PCDHGB7: variants seen among roughly 807,000 people sequenced by gnomAD.
PCDHGB7 encodes the protein protocadherin gamma-B7.
PCDHGB7 carries 37 observed loss-of-function variants against 61.4 expected under a neutral mutation model. That is an observed-to-expected ratio of 0.60 (90% CI 0.46 to 0.79). The LOEUF (loss-of-function observed/expected upper bound fraction) is 0.79, where lower values mean the gene tolerates loss of function less well. Among genes scored for constraint, PCDHGB7 ranks in the 30% least tolerant of loss-of-function variants. The probability of loss-of-function intolerance (pLI) is 0.00; values close to 1 mark genes in which losing one functional copy is unlikely to be tolerated. For synonymous variants in PCDHGB7, 464 were observed against 503.5 expected (o/e 0.92, Z 1.05); for missense variants, 1,166 against 1,202.5 (o/e 0.97, Z 0.45).
intron 2 of PCDHGB7, among the ~76,000 whole-genome samples, chr5:141,496,733 C>A (rs1221912777): frequency 6.6e-6 from 1 of 152,138 alleles, no homozygotes; most frequent in Non-Finnish European, 1.5e-5. Context: ...TGTATTCATT[C>A]GTTCATTTAT....
Position 141,490,509 on chromosome 5 carries a change from G to A in PCDHGB7, c.2416-4298G>A. 6.2e-7 allele frequency: 1 copy of A among 1,614,072 alleles called. No individual in the cohort carries two copies. On this transcript the variant is annotated intron_variant, in intron 1 of 3. Transcript: ENST00000398594. The surrounding 1 kb of genome is among the most constrained non-coding windows in gnomAD (Gnocchi z 5.4). ...AGGCCACATCCCACTATATCATCGA[G>A]CTGCTGGCCAGCGATGCTGGTTCAC...
intron 1 of PCDHGB7, chr5:141,479,196 C>T (rs2099489838): frequency 2.0e-5 from 3 of 152,432 alleles, no homozygotes; most frequent in African/African-American, 7.2e-5. Context: ...TCAGAAAATA[C>T]AGAAAAGTAT....
intron 2 of PCDHGB7, among the ~76,000 whole-genome samples, chr5:141,499,149 A>G (rs1215155217): frequency 6.6e-6 from 1 of 152,084 alleles, no homozygotes; most frequent in African/African-American, 2.4e-5. Context: ...TCTGATCCCA[A>G]TAGCTGTTGT....
At chr5:141,465,504 G>T (rs2099104593) in intron 1 of PCDHGB7, among the ~76,000 whole-genome samples, 2 of 152,152 alleles carry the variant, frequency 1.3e-5, no homozygotes. Context: ...GCATTGTCGT[G>T]GTCAGGAAGG....
chr5:141,477,779 A>C lies in PCDHGB7; in HGVS notation c.2416-17028A>C. ...CCTAGCCACCAACATCAGCGTGAAC[A>C]TATTTGTCACTGATCGCAATGACAA... is the stretch of plus-strand genomic sequence containing the variant. On this transcript the variant is annotated intron_variant, in intron 1 of 3. Transcript: ENST00000398594. The surrounding 1 kb of genome is among the most constrained non-coding windows in gnomAD (Gnocchi z 4.9). 1.2e-6 allele frequency: 2 copies of C among 1,614,012 alleles called. No individual in the cohort carries two copies. Among genetic ancestry groups the C allele is most frequent in the Non-Finnish European group, 1.7e-6 (2 of 1,180,020 alleles).
intron 2 of PCDHGB7, among the ~76,000 whole-genome samples, chr5:141,502,238 T>A (rs2099813398): frequency 6.6e-6 from 1 of 152,204 alleles, no homozygotes; most frequent in Non-Finnish European, 1.5e-5. Flanking sequence ...TGTGTTCTTT[T>A]ATCCTTTTTT....
In PCDHGB7 at chr5:141,476,432, G is replaced by A. The variant is rs139089802; in HGVS notation, c.2416-18375G>A. 15 of 1,614,116 alleles carry A rather than the reference G, an allele frequency of 9.3e-6. No individual in the cohort carries two copies. The East Asian group carries it at 3.3e-4, about 36-fold the overall frequency. Reference sequence around the variant, plus strand: ...GTGTGGGACACTGCCCTCTTGCACTGTAACTCTGGAGTTGGTAGTGGAGAA... The same window carrying A: ...GTGTGGGACACTGCCCTCTTGCACTATAACTCTGGAGTTGGTAGTGGAGAA... On this transcript the variant is annotated intron_variant, in intron 1 of 3. Coordinates refer to ENST00000398594, the MANE Select transcript of PCDHGB7 (RefSeq NM_018927.4). The surrounding 1 kb of genome is among the most constrained non-coding windows in gnomAD (Gnocchi z 7.6).
chr5:141,420,079 C>A lies in PCDHGB7; in HGVS notation c.2220C>A (p.Pro740=). Residue 740 remains proline, a synonymous_variant, in exon 1 of 4, where the codon CCC becomes CCA. Transcript: ENST00000398594. The part of the protein sequence containing the change: ...VLCSKSGPVG[P]PNYSEGTLPY... Reference sequence around the variant, plus strand: ...GCTCCAAGTCCGGACCTGTGGGTCCCCCCAACTACAGTGAGGGAACGTTGC... The same window carrying A: ...GCTCCAAGTCCGGACCTGTGGGTCCACCCAACTACAGTGAGGGAACGTTGC... 1 of 1,613,998 alleles carries A rather than the reference C, an allele frequency of 6.2e-7. No individual in the cohort carries two copies. The highest frequency in any genetic ancestry group is 8.5e-7 in the Non-Finnish European group (1 of 1,179,850).
chr5:141,420,337 A>G, intron 1 of PCDHGB7, 63 bp downstream of exon 1: 8 of 1,402,708 alleles, frequency 5.7e-6, no homozygotes, highest in Non-Finnish European at 7.6e-6. Flanking sequence ...ATTCCAATAT[A>G]GTGGTATTAT....
In PCDHGB7 at chr5:141,418,247, G is replaced by A; in HGVS notation, c.388G>A (p.Ala130Thr). The change falls in exon 1 of 4, where the codon GCC (alanine) becomes ACC (threonine). Residue 130 changes from alanine to threonine, a missense_variant. Coordinates refer to ENST00000398594, the MANE Select transcript of PCDHGB7 (RefSeq NM_018927.4). ...GGTGATTGAGGATGTTAATGACCAC[G>A]CCCCTCAATTCCGGAAAGATGAAAT... Reference protein sequence around the residue: ...IVVIEDVNDHAPQFRKDEINL... With the variant: ...IVVIEDVNDHTPQFRKDEINL... 1 of 1,614,032 alleles carries A rather than the reference G, an allele frequency of 6.2e-7. No individual in the cohort carries two copies. The highest frequency in any genetic ancestry group is 8.5e-7 in the Non-Finnish European group (1 of 1,179,898).
chr5:141,511,728 A>C lies in PCDHGB7; in HGVS notation c.*555A>C, dbSNP rs904031366. 2.2e-5 allele frequency: 4 copies of C among 177,940 alleles called. No homozygotes were observed. The highest frequency in any genetic ancestry group is 7.0e-5 in the African/African-American group (3 of 42,626). 11.0% of individuals were successfully genotyped at this position (177,940 alleles called of 1,614,324 possible). ...TCACCTCCTTCCAGAGCCCAAGATC[A>C]ATGCTCAAGTTTTGGAGGACATGAT... On this transcript the variant is annotated 3_prime_UTR_variant, in exon 4 of 4. Coordinates refer to ENST00000398594, the MANE Select transcript of PCDHGB7 (RefSeq NM_018927.4).
rs113341686 is a variant in PCDHGB7, at chr5:141,488,763, G to A, written c.2416-6044G>A. Among the ~76,000 whole-genome samples the A allele has an allele frequency of 6.6e-4, 101 of 152,264 alleles. 1 individual carries two copies. The highest frequency in any genetic ancestry group is 1.7e-3 in the African/African-American group (69 of 41,544). ...ATGCAGGAAGTTGCTGGGACAGAACGCTGAGGAGTTTTGTATCACTTTGTC... is the reference window on the plus strand; with the variant it reads ...ATGCAGGAAGTTGCTGGGACAGAACACTGAGGAGTTTTGTATCACTTTGTC... On this transcript the variant is annotated intron_variant, in intron 1 of 3. Coordinates refer to ENST00000398594, the MANE Select transcript of PCDHGB7 (RefSeq NM_018927.4).
At chr5:141,458,080 C>T (rs62379190) in intron 1 of PCDHGB7, among the ~76,000 whole-genome samples, 5,138 of 152,230 alleles carry the variant, frequency 0.034, 100 homozygotes, top group Middle Eastern at 0.088. Flanking sequence ...ACTATATTGC[C>T]GTAAGTTAAG....
intron 1 of PCDHGB7, among the ~76,000 whole-genome samples, chr5:141,474,412 C>A (rs1282336092): frequency 6.6e-6 from 1 of 152,220 alleles, no homozygotes; most frequent in Non-Finnish European, 1.5e-5. Flanking sequence ...CCGGTGATGC[C>A]TAGACCATTG....
chr5:141,505,252 C>T (rs2099844831), intron 2 of PCDHGB7, 141 bp from the exon 3 acceptor site: 1 of 1,454,140 alleles, frequency 6.9e-7, no homozygotes, highest in Non-Finnish European at 9.2e-7. Context: ...TGTAGAAGTG[C>T]CTCCTACCTT....
intron 1 of PCDHGB7, chr5:141,478,470 G>A (rs753075137): frequency 1.2e-6 from 2 of 1,613,686 alleles, no homozygotes; most frequent in Non-Finnish European, 1.7e-6. Context: ...CTGGCCAGCC[G>A]CCAGAACACG....
Position 141,474,403 on chromosome 5 carries a change from C to T in PCDHGB7, c.2416-20404C>T, listed in dbSNP as rs553745731. ...ATTTCTGCATTTCTAACAAGCTCCC[C>T]GGTGATGCCTAGACCATTGGTCCTC... is the stretch of plus-strand genomic sequence containing the variant. On this transcript the variant is annotated intron_variant, in intron 1 of 3. Coordinates refer to ENST00000398594, the MANE Select transcript of PCDHGB7 (RefSeq NM_018927.4). Among the ~76,000 whole-genome samples, 121 of 152,282 alleles carry T rather than the reference C, an allele frequency of 7.9e-4. 1 individual carries two copies. Among genetic ancestry groups the T allele is most frequent in the Admixed American group, 3.9e-3 (59 of 15,292 alleles).
intron 1 of PCDHGB7, among the ~76,000 whole-genome samples, chr5:141,450,547 C>T (rs182695399): frequency 3.4e-4 from 51 of 150,496 alleles, no homozygotes; most frequent in African/African-American, 1.0e-3. Context: ...AATGCAGTGG[C>T]GCAGTCTCGG....
chr5:141,451,007 T>A (rs2098704118), intron 1 of PCDHGB7, among the ~76,000 whole-genome samples: 1 of 151,594 alleles, frequency 6.6e-6, no homozygotes, highest in Non-Finnish European at 1.5e-5. Flanking sequence ...TTGTATTTTT[T>A]TTAGTAGAGA....
Sources: gnomAD v4.1 joint callset for allele counts (sites outside exome capture counted in the v4.1 genomes callset) on GRCh38, gnomAD v4.1.1 for gene constraint, Gnocchi (gnomAD v3.1) non-coding constraint, MANE v1.5 for transcripts, NCBI Gene and HGNC (gene_info 2026-07-23, HGNC 2026-07-21) for gene names.